Variants in SERPINB11 observed in about 807,000 individuals in gnomAD.
SERPINB11 encodes serpin B11.
In SERPINB11, 32 loss-of-function variants were observed where a neutral mutation model predicts 36.7. The observed-to-expected ratio is 0.87, with a 90% CI of 0.66 to 1.17. The LOEUF is 1.17. SERPINB11 is among the 50% of genes most tolerant of loss of function. The pLI, the probability that SERPINB11 is intolerant of heterozygous loss-of-function variation, is 0.00. For missense variants in SERPINB11, 528 were observed against 458.4 expected (o/e 1.15, Z -1.39); for synonymous variants, 174 against 168.1 (o/e 1.04, Z -0.27).
rs1252482997 is a variant in SERPINB11, at chr18:63,720,170, T to G, written c.618+15T>G. The G allele has an allele frequency of 6.3e-7, 1 of 1,584,636 alleles. No homozygotes were observed. The highest frequency in any genetic ancestry group is 1.7e-5 in the Admixed American group (1 of 58,534). ...AGCTAAGTGAGGTAAGTATTTTATT[T>G]TCAGACTCATGACAAATGTTGGAGG... On this transcript the variant is annotated intron_variant, in intron 6 of 7. Transcript: ENST00000544088.
At chr18:63,718,608 A>G (rs1279250451) in intron 5 of SERPINB11, among the ~76,000 whole-genome samples, 1 of 151,984 alleles carries the variant, frequency 6.6e-6, no homozygotes, top group Non-Finnish European at 1.5e-5. Flanking sequence ...TTACTTTTGT[A>G]TATTAACATT....
At position 63,702,992 on chromosome 18, in the gene SERPINB11, T is replaced by A. The variant is rs1269784597; in HGVS notation, c.-30T>A. On this transcript the variant is annotated 5_prime_UTR_variant, in exon 1 of 8. Transcript: ENST00000544088. ...CTTGCCACTCTGTGAACTTCACTAC[T>A]GGAAAGCAACAAAGGTAAGAGAAAT... 2.0e-5 allele frequency: 3 copies of A among 152,228 alleles called. No individual in the cohort carries two copies. The highest frequency in any genetic ancestry group is 6.5e-5 in the Admixed American group (1 of 15,282). 9.4% of individuals were successfully genotyped at this position (152,228 alleles called of 1,614,324 possible). A position where few individuals can be genotyped will look rare whatever the true frequency, so the allele number is the denominator to read the frequency against.
intron 4 of SERPINB11, among the ~76,000 whole-genome samples, chr18:63,715,339 A>G (rs1304646601): frequency 3.9e-5 from 6 of 152,186 alleles, no homozygotes; most frequent in Non-Finnish European, 7.3e-5. Flanking sequence ...ATGGGTGGTC[A>G]TAAATTGTTG....
intron 1 of SERPINB11, among the ~76,000 whole-genome samples, chr18:63,708,620 T>C (rs1043951049): frequency 6.6e-6 from 1 of 152,172 alleles, no homozygotes; most frequent in Non-Finnish European, 1.5e-5. Flanking sequence ...AGAGAGGGGT[T>C]AGAAAATCAA....
At position 63,723,082 on chromosome 18, in the gene SERPINB11, C is replaced by T. The variant is rs1395265; in HGVS notation, c.862C>T (p.Arg288Ter). 4.4e-6 allele frequency: 7 copies of T among 1,604,016 alleles called. No individual in the cohort carries two copies. The highest frequency in any genetic ancestry group is 4.0e-5 in the African/African-American group (3 of 74,812). The change falls in exon 8 of 8, where the codon CGA becomes TGA. Residue 288 changes from arginine to a stop codon, truncating the protein, a stop_gained. Transcript: ENST00000544088. LOFTEE classifies it high-confidence loss of function. ...MEREVEVHLP[R>*]FKLETKYELN... ...AAGAGAAGTTGAAGTACACCTCCCC[C>T]GATTCAAACTTGAAACTAAGTATGA...
intron 1 of SERPINB11, chr18:63,705,446 C>T (rs1469160030): frequency 2.0e-5 from 3 of 152,066 alleles, no homozygotes; most frequent in Admixed American, 6.6e-5. Flanking sequence ...AAAGAATATG[C>T]TTTAAACAAA....
intron 1 of SERPINB11, among the ~76,000 whole-genome samples, chr18:63,709,870 A>T (rs1914472111): frequency 6.6e-6 from 1 of 152,202 alleles, no homozygotes; most frequent in Admixed American, 6.5e-5. Flanking sequence ...GAATACAAAG[A>T]TTCAATTCCT....
intron 1 of SERPINB11, among the ~76,000 whole-genome samples, chr18:63,709,623 A>AATAAAATAAAATAAAAT (rs1482471169): frequency 1.4e-5 from 2 of 147,816 alleles, no homozygotes; most frequent in Non-Finnish European, 1.5e-5. Context: ...AAATAAATAA[A>AATAAAATAAAATAAAAT]ATAAAATAAA....
At chr18:63,717,916 A>C (rs1914709982) in intron 5 of SERPINB11, among the ~76,000 whole-genome samples, 1 of 151,996 alleles carries the variant, frequency 6.6e-6, no homozygotes, top group East Asian at 1.9e-4. Context: ...TTGTCGTGAA[A>C]GTATTTTCTA....
In SERPINB11 at chr18:63,722,943, G is replaced by A. The variant is rs560970558; in HGVS notation, c.775-52G>A. On this transcript the variant is annotated intron_variant, in intron 7 of 7. Transcript: ENST00000544088. ...ATTATAAAAACATATGATATTTAATGTAGAGGTCGTGTGTTTGACTCATGT... is the reference window on the plus strand; with the variant it reads ...ATTATAAAAACATATGATATTTAATATAGAGGTCGTGTGTTTGACTCATGT... 7 of 1,466,696 alleles carry A rather than the reference G, an allele frequency of 4.8e-6. No individual in the cohort carries two copies. The Admixed American group carries it at 1.6e-4, about 33-fold the overall frequency. 90.9% of individuals were successfully genotyped at this position (1,466,696 alleles called of 1,614,324 possible).
intron 6 of SERPINB11, 45 bp downstream of exon 6, chr18:63,720,200 A>C (rs753258371): frequency 1.2e-5 from 18 of 1,513,742 alleles, no homozygotes; most frequent in Non-Finnish European, 1.5e-5. Context: ...TGGAGGATAC[A>C]ATAATCATTT....
At chr18:63,721,035 AAC>A (rs147551453) in intron 7 of SERPINB11, 49 bp downstream of exon 7, 14,472 of 1,313,046 alleles carry the variant, frequency 0.011, no homozygotes, top group Middle Eastern at 0.013. Context: ...TGTGCATGTT[AAC>A]ACACACACAC....
At chr18:63,709,575 C>A (rs1239430889) in intron 1 of SERPINB11, among the ~76,000 whole-genome samples, 5 of 138,424 alleles carry the variant, frequency 3.6e-5, no homozygotes, top group Non-Finnish European at 7.8e-5. Flanking sequence ...CGCACCACTG[C>A]ACTCCAGTCT....
rs767923248 is a variant in SERPINB11 at position 63,723,440 on chromosome 18, G to T, written c.*41G>T. The T allele has an allele frequency of 6.5e-7, 1 of 1,534,170 alleles. No individual in the cohort carries two copies. The highest frequency in any genetic ancestry group is 1.9e-5 in the Admixed American group (1 of 51,528). The stretch of plus-strand genomic sequence containing the variant: ...CAAGGCTCAGAGTTGCAGATGAGGT[G>T]CAGAGACAATCCTGTGACTTTCCCA... On this transcript the variant is annotated 3_prime_UTR_variant, in exon 8 of 8. Coordinates refer to ENST00000544088, the MANE Select transcript of SERPINB11 (RefSeq NM_001370475.1).
intron 1 of SERPINB11, among the ~76,000 whole-genome samples, chr18:63,708,536 T>C (rs1914430628): frequency 6.6e-6 from 1 of 152,146 alleles, no homozygotes; most frequent in East Asian, 1.9e-4. Context: ...CACAAGGTTT[T>C]TAGCTTGAGA....
At chr18:63,711,430 A>G in intron 3 of SERPINB11, 36 bp downstream of exon 3, 1 of 1,436,304 alleles carries the variant, frequency 7.0e-7, no homozygotes, top group Non-Finnish European at 9.8e-7. Flanking sequence ...AATGCTCTTT[A>G]ACCTAAGAGA....
Position 63,716,160 on chromosome 18 carries a change from T to C in SERPINB11, c.475+8T>C. 1 of 1,511,810 alleles carries C rather than the reference T, an allele frequency of 6.6e-7. No homozygotes were observed. The highest frequency in any genetic ancestry group is 9.1e-7 in the Non-Finnish European group (1 of 1,093,554). The allele number at this position is 1,511,810 out of a possible 1,614,324, so 93.6% of individuals were successfully genotyped here. A position where few individuals can be genotyped will look rare whatever the true frequency, so the allele number is the denominator to read the frequency against. On this transcript the variant is annotated splice_region_variant and intron_variant, in intron 5 of 7. Transcript: ENST00000544088. The stretch of plus-strand genomic sequence containing the variant: ...TTGAAAATAAAACTAATGGTAAGGA[T>C]AAGTCAATATGTGTCTCTAAACTCT...
Position 63,711,391 on chromosome 18 carries a change from T to A in SERPINB11, c.225T>A (p.Pro75=). 1 of 1,592,490 alleles carries A rather than the reference T, an allele frequency of 6.3e-7. No homozygotes were observed. The highest frequency in any genetic ancestry group is 8.6e-7 in the Non-Finnish European group (1 of 1,161,054). The change falls in exon 3 of 8, where the codon CCT becomes CCA. Residue 75 remains proline (P), a synonymous_variant. Coordinates refer to ENST00000544088, the MANE Select transcript of SERPINB11 (RefSeq NM_001370475.1). ...DSLKPGFKDS[P]KCSQAGRIHS... is the part of the protein sequence containing the mutation. Reference sequence around the variant, plus strand: ...TAAAACCAGGGTTCAAGGACTCACCTAAGGTATGATAATATTACTGAGTTG... The same window carrying A: ...TAAAACCAGGGTTCAAGGACTCACCAAAGGTATGATAATATTACTGAGTTG...
At chr18:63,716,216 T>C in intron 5 of SERPINB11, 64 bp downstream of exon 5, 1 of 1,037,206 alleles carries the variant, frequency 9.6e-7, no homozygotes, top group Non-Finnish European at 1.4e-6. Flanking sequence ...CTGAGTCCAC[T>C]TGCTAAAGAG....
Sources: gnomAD v4.1 joint callset for allele counts (sites outside exome capture counted in the v4.1 genomes callset) on GRCh38, gnomAD v4.1.1 for gene constraint, MANE v1.5 for transcripts, NCBI Gene and HGNC (gene_info 2026-07-23, HGNC 2026-07-21) for gene names.